The following PCDH7 variants were observed in gnomAD, a reference collection of about 807,000 sequenced individuals.
PCDH7 encodes protocadherin-7.
A neutral mutation model predicts 58.9 loss-of-function variants in PCDH7; 17 were observed. That is an observed-to-expected ratio of 0.29 (90% CI 0.20 to 0.43). The LOEUF (loss-of-function observed/expected upper bound fraction) is 0.43. Among genes scored for constraint, PCDH7 ranks in the 20% least tolerant of loss-of-function variants. PCDH7 has a pLI of 1.00. For missense variants in PCDH7, 1,274 were observed against 1,441.0 expected, an observed-to-expected ratio of 0.88 and a Z score of 1.88; for synonymous variants, 664 against 616.4, an observed-to-expected ratio of 1.08 and a Z score of -1.14.
At chr4:30,736,698 G>T (rs1217240582), downstream of PCDH7, among the ~76,000 whole-genome samples, 4 of 151,826 alleles carry the variant, frequency 2.6e-5, no homozygotes, top group African/African-American at 7.3e-5. Context: ...ATTGCTCCCG[G>T]CTAATTTTTT....
intron 1 of PCDH7, among the ~76,000 whole-genome samples, chr4:30,813,456 T>A (rs1727258825): frequency 6.6e-6 from 1 of 152,156 alleles, no homozygotes; most frequent in African/African-American, 2.4e-5. Flanking sequence ...TCAGAGACTG[T>A]AGGACTGTAT....
intron 3 of PCDH7, among the ~76,000 whole-genome samples, chr4:31,117,178 G>A (rs971097858): frequency 8.6e-5 from 13 of 152,034 alleles, no homozygotes; most frequent in African/African-American, 1.2e-4. Context: ...CACCGCTCCC[G>A]GCCTAGGTTT....
chr4:31,125,856 T>A (rs1718236133), intron 3 of PCDH7, among the ~76,000 whole-genome samples: 1 of 152,224 alleles, frequency 6.6e-6, no homozygotes, highest in Non-Finnish European at 1.5e-5. Context: ...ATATTTTCAA[T>A]TTGCAGTGGA....
At chr4:30,906,758 C>T (rs1023267217) in intron 1 of PCDH7, among the ~76,000 whole-genome samples, 1 of 152,126 alleles carries the variant, frequency 6.6e-6, no homozygotes, top group African/African-American at 2.4e-5. Context: ...CACTGTGACT[C>T]ACACCTGTAA....
chr4:31,085,224 G>A lies in PCDH7; in HGVS notation c.*8-57249G>A, dbSNP rs545130806. On this transcript the variant is annotated intron_variant, in intron 3 of 3. Coordinates refer to the PCDH7 transcript ENST00000509759. ...CTGTCTTTTTGTGCTCAGTTTCTGG[G>A]TGGGGCCGCAAGATCAGATGGCCAG... Among the ~76,000 whole-genome samples the A allele has an allele frequency of 1.1e-3, 174 of 152,178 alleles. 1 individual carries two copies. Among genetic ancestry groups the A allele is most frequent in the Non-Finnish European group, 2.0e-3 (139 of 68,020 alleles).
chr4:31,142,446 T>C, intron 3 of PCDH7, 27 bp from the exon 3 acceptor site: 1 of 1,354,952 alleles, frequency 7.4e-7, no homozygotes, highest in Non-Finnish European at 9.8e-7. Context: ...TGTCAAATAC[T>C]AATGGCTTAT....
chr4:30,993,158 T>C (rs1444160640), intron 3 of PCDH7, among the ~76,000 whole-genome samples: 3 of 152,176 alleles, frequency 2.0e-5, no homozygotes, highest in Non-Finnish European at 2.9e-5. Context: ...AGAACTTCTA[T>C]AGATGTTTCC....
intron 3 of PCDH7, among the ~76,000 whole-genome samples, chr4:31,014,034 A>G (rs974655087): frequency 6.6e-6 from 1 of 152,212 alleles, no homozygotes; most frequent in African/African-American, 2.4e-5. Flanking sequence ...GGAATAAAAT[A>G]GACAAATAAT....
intron 1 of PCDH7, among the ~76,000 whole-genome samples, chr4:30,812,027 A>G (rs557854849): frequency 1.2e-4 from 18 of 152,362 alleles, no homozygotes; most frequent in African/African-American, 4.1e-4. Context: ...GTCAGTGGAT[A>G]GAAGCAAAAG....
At chr4:31,127,933 T>C (rs1718492745) in intron 3 of PCDH7, among the ~76,000 whole-genome samples, 1 of 151,920 alleles carries the variant, frequency 6.6e-6, no homozygotes. Flanking sequence ...TTTCAAGCTT[T>C]TTCAGTGTGA....
chr4:30,787,379 G>T (rs775708917), intron 1 of PCDH7, among the ~76,000 whole-genome samples: 26 of 152,058 alleles, frequency 1.7e-4, no homozygotes, highest in Admixed American at 8.5e-4. Flanking sequence ...GCATTAAGAA[G>T]AAATACTATT....
At chr4:31,088,109 C>T (rs529582540) in intron 3 of PCDH7, among the ~76,000 whole-genome samples, 13 of 152,074 alleles carry the variant, frequency 8.5e-5, no homozygotes, top group Non-Finnish European at 7.4e-5. Context: ...TTTCTATCTA[C>T]TTTGCTATAT....
At chr4:31,098,518 G>C (rs1045499710) in intron 3 of PCDH7, among the ~76,000 whole-genome samples, 1 of 152,178 alleles carries the variant, frequency 6.6e-6, no homozygotes, top group Non-Finnish European at 1.5e-5. Flanking sequence ...TGCTACAAAT[G>C]GTGGGGAGAA....
intron 2 of PCDH7, among the ~76,000 whole-genome samples, chr4:30,941,718 C>T (rs1746056927): frequency 6.6e-6 from 1 of 151,824 alleles, no homozygotes; most frequent in South Asian, 2.1e-4. Flanking sequence ...CCTGCCCTCC[C>T]ATACCTGGAC....
chr4:30,952,865 G>A (rs1300285204), intron 3 of PCDH7, among the ~76,000 whole-genome samples: 1 of 152,100 alleles, frequency 6.6e-6, no homozygotes, highest in African/African-American at 2.4e-5. Flanking sequence ...GGTTGAGACA[G>A]GGCTTGCTGG....
chr4:30,874,168 C>T (rs1490807213), intron 1 of PCDH7, among the ~76,000 whole-genome samples: 2 of 151,820 alleles, frequency 1.3e-5, no homozygotes, highest in Non-Finnish European at 2.9e-5. Context: ...CTAGAAATAC[C>T]ATTTGACCCA....
At chr4:30,763,917 G>C (rs1367513963) in intron 1 of PCDH7, among the ~76,000 whole-genome samples, 2 of 152,068 alleles carry the variant, frequency 1.3e-5, no homozygotes, top group Non-Finnish European at 2.9e-5. Flanking sequence ...GCTAAAAAGA[G>C]CACTGAGCAA....
At chr4:30,888,534 CAG>C (rs1330269552) in intron 1 of PCDH7, among the ~76,000 whole-genome samples, 4 of 152,114 alleles carry the variant, frequency 2.6e-5, no homozygotes, top group Admixed American at 6.6e-5. Flanking sequence ...ACTCTAAAAA[CAG>C]AACAAATTAT....
chr4:31,050,604 A>G (rs1309967389), intron 3 of PCDH7, among the ~76,000 whole-genome samples: 1 of 152,122 alleles, frequency 6.6e-6, no homozygotes, highest in African/African-American at 2.4e-5. Context: ...CAATAATGTG[A>G]TGTAAAAAGA....
Sources: gnomAD v4.1 joint callset for allele counts (sites outside exome capture counted in the v4.1 genomes callset) on GRCh38, gnomAD v4.1.1 for gene constraint, MANE v1.5 for transcripts, NCBI Gene and HGNC (gene_info 2026-07-23, HGNC 2026-07-21) for gene names.